Variants in ARHGEF38 observed in about 807,000 individuals in gnomAD.
ARHGEF38 encodes the protein Rho guanine nucleotide exchange factor (GEF) 38.
In ARHGEF38, 79 loss-of-function variants were observed where a neutral mutation model predicts 79.9. The observed-to-expected ratio is 0.99, with a 90% CI of 0.82 to 1.19. ARHGEF38 has a LOEUF of 1.19. ARHGEF38 is among the 50% of genes most tolerant of loss of function. The pLI is 0.00. For missense variants in ARHGEF38, 962 were observed against 907.2 expected, an observed-to-expected ratio of 1.06 and a Z score of -0.78; for synonymous variants, 366 against 328.3, an observed-to-expected ratio of 1.11 and a Z score of -1.24.
intron 3 of ARHGEF38, among the ~76,000 whole-genome samples, chr4:105,623,205 CT>C (rs1728810163): frequency 6.6e-6 from 1 of 152,150 alleles, no homozygotes; most frequent in Non-Finnish European, 1.5e-5. Context: ...TAACTATTTG[CT>C]GAATGGATGA....
chr4:105,656,029 TAA>T (rs1365765165), intron 9 of ARHGEF38, among the ~76,000 whole-genome samples: 4 of 152,208 alleles, frequency 2.6e-5, no homozygotes, highest in Non-Finnish European at 4.4e-5. Flanking sequence ...AAGAAATTAT[TAA>T]GTTAGAAAGC....
chr4:105,630,844 G>C, intron 3 of ARHGEF38, 54 bp from the exon 4 acceptor site: 1 of 1,493,538 alleles, frequency 6.7e-7, no homozygotes. Context: ...ATAATCATGT[G>C]AAGTGCCAGC....
At chr4:105,610,669 T>C (rs895151673) in intron 2 of ARHGEF38, among the ~76,000 whole-genome samples, 3 of 152,082 alleles carry the variant, frequency 2.0e-5, no homozygotes, top group Non-Finnish European at 2.9e-5. Context: ...AGAATCCCCA[T>C]GGGCTCATAG....
intron 1 of ARHGEF38, among the ~76,000 whole-genome samples, chr4:105,577,994 A>G (rs900286674): frequency 6.6e-6 from 1 of 151,806 alleles, no homozygotes; most frequent in African/African-American, 2.4e-5. Context: ...TTTTTTCTCT[A>G]GTTCCTTAAG....
intron 10 of ARHGEF38, 95 bp from the exon 11 acceptor site, chr4:105,666,082 T>C: frequency 1.8e-6 from 2 of 1,119,324 alleles, no homozygotes; most frequent in Non-Finnish European, 2.3e-6. Flanking sequence ...AGCTACCATA[T>C]ACCTCCTCAA....
At chr4:105,659,501 A>G in intron 10 of ARHGEF38, 136 bp downstream of exon 10, 1 of 886,972 alleles carries the variant, frequency 1.1e-6, no homozygotes, top group Non-Finnish European at 1.7e-6. Flanking sequence ...AACTAAATCC[A>G]GTCAGATAGT....
At chr4:105,655,122 T>C (rs929186577) in intron 8 of ARHGEF38, among the ~76,000 whole-genome samples, 3 of 152,192 alleles carry the variant, frequency 2.0e-5, no homozygotes, top group African/African-American at 7.2e-5. Context: ...CAGAGAGTAG[T>C]GGGAACCCCA....
chr4:105,599,155 T>C (rs1344634891), intron 2 of ARHGEF38, among the ~76,000 whole-genome samples: 2 of 152,184 alleles, frequency 1.3e-5, no homozygotes, highest in East Asian at 1.9e-4. Flanking sequence ...AAATCTCTTA[T>C]CTTTGCTTGT....
intron 7 of ARHGEF38, among the ~76,000 whole-genome samples, chr4:105,653,556 C>T (rs748476353): frequency 6.6e-6 from 1 of 152,076 alleles, no homozygotes; most frequent in Admixed American, 6.5e-5. Context: ...CTCCTGACCT[C>T]GTGATCCGCC....
chr4:105,597,386 T>G (rs537316618), intron 2 of ARHGEF38, among the ~76,000 whole-genome samples: 1 of 152,320 alleles, frequency 6.6e-6, no homozygotes, highest in African/African-American at 2.4e-5. Flanking sequence ...GCTGTCACCT[T>G]CACTAAAAGA....
At chr4:105,664,456 C>T (rs528777498) in intron 10 of ARHGEF38, among the ~76,000 whole-genome samples, 16 of 152,250 alleles carry the variant, frequency 1.1e-4, no homozygotes, top group East Asian at 1.9e-4. Context: ...CATTCCACTA[C>T]GAAAAATGAG....
intron 3 of ARHGEF38, among the ~76,000 whole-genome samples, chr4:105,617,676 T>C (rs1447544603): frequency 1.3e-5 from 2 of 152,184 alleles, no homozygotes; most frequent in Non-Finnish European, 2.9e-5. Context: ...TTAGTTAAGG[T>C]ATTCATCAAA....
At chr4:105,604,042 A>G (rs1727936092) in intron 2 of ARHGEF38, among the ~76,000 whole-genome samples, 1 of 152,150 alleles carries the variant, frequency 6.6e-6, no homozygotes, top group Non-Finnish European at 1.5e-5. Flanking sequence ...GGAAGAAAAC[A>G]TGATATGGAC....
intron 2 of ARHGEF38, among the ~76,000 whole-genome samples, chr4:105,605,824 A>G (rs979497857): frequency 2.6e-5 from 4 of 151,948 alleles, no homozygotes; most frequent in African/African-American, 7.3e-5. Flanking sequence ...ACTTGCTGCA[A>G]TTTCTATCTC....
In ARHGEF38 at chr4:105,648,678, C is replaced by G. The variant is rs1428683433; in HGVS notation, c.1004C>G (p.Ser335Ter). 2.0e-6 allele frequency: 3 copies of G among 1,509,002 alleles called. No homozygotes were observed. The highest frequency in any genetic ancestry group is 2.6e-6 in the Non-Finnish European group (3 of 1,137,728). 93.5% of individuals were successfully genotyped at this position (1,509,002 alleles called of 1,614,324 possible). A position where few individuals can be genotyped will look rare whatever the true frequency, so the allele number is the denominator to read the frequency against. ...NHLKILTRGE[S>*]QVKDNTFNRE... ...CTGAAGATTCTGACCAGAGGAGAAT[C>G]ACAGGTAATTTTTCTTCTTGGACCA... The change falls in exon 7 of 14, where the codon TCA becomes TGA. Residue 335 changes from serine (S) to a stop codon, truncating the protein, a stop_gained. Coordinates refer to ENST00000420470, the MANE Select transcript of ARHGEF38 (RefSeq NM_001242729.2). LOFTEE classifies it high-confidence loss of function.
intron 1 of ARHGEF38, among the ~76,000 whole-genome samples, chr4:105,557,911 A>T (rs1420285119): frequency 6.6e-6 from 1 of 152,084 alleles, no homozygotes. Context: ...GCCAGTGCAT[A>T]TTTTTGTTTA....
intron 1 of ARHGEF38, among the ~76,000 whole-genome samples, chr4:105,568,032 G>A (rs1578261514): frequency 6.8e-6 from 1 of 146,322 alleles, no homozygotes; most frequent in East Asian, 2.0e-4. Context: ...AATATGCGGT[G>A]TTTGGTTTTT....
chr4:105,663,998 A>C (rs1336730984), intron 10 of ARHGEF38, among the ~76,000 whole-genome samples: 1 of 151,624 alleles, frequency 6.6e-6, no homozygotes, highest in African/African-American at 2.4e-5. Flanking sequence ...ACAAAACAAA[A>C]CAAAAAAAAA....
intron 1 of ARHGEF38, among the ~76,000 whole-genome samples, chr4:105,577,409 A>G (rs964594764): frequency 6.6e-5 from 10 of 151,320 alleles, no homozygotes; most frequent in Non-Finnish European, 1.2e-4. Context: ...TGATTTTTGT[A>G]TCAGAGTGAT....
Sources: gnomAD v4.1 joint callset for allele counts (sites outside exome capture counted in the v4.1 genomes callset) on GRCh38, gnomAD v4.1.1 for gene constraint, MANE v1.5 for transcripts, NCBI Gene and HGNC (gene_info 2026-07-23, HGNC 2026-07-21) for gene names.